Variants in MBOAT2 observed in about 807,000 individuals in gnomAD.
MBOAT2 encodes the protein membrane-bound glycerophospholipid O-acyltransferase 2.
MBOAT2 carries 28 observed loss-of-function variants against 63.4 expected under a neutral mutation model. That is an observed-to-expected ratio of 0.44 (90% CI 0.33 to 0.61). The LOEUF is 0.61. MBOAT2 is among the 20% of genes least tolerant of loss of function. The probability of loss-of-function intolerance (pLI) is 0.03; values close to 1 mark genes in which losing one functional copy is unlikely to be tolerated. For missense variants in MBOAT2, 470 were observed against 605.8 expected (o/e 0.78, Z 2.35); for synonymous variants, 211 against 215.6 (o/e 0.98, Z 0.19).
At chr2:8,872,252 T>C (rs1662379986) in intron 8 of MBOAT2, among the ~76,000 whole-genome samples, 1 of 152,212 alleles carries the variant, frequency 6.6e-6, no homozygotes, top group African/African-American at 2.4e-5. Flanking sequence ...ATTCCATCTT[T>C]TTGTTTTTGT....
rs995323515 is a variant in MBOAT2 at position 8,894,961 on chromosome 2, G to A, written c.396-6888C>T. Among the ~76,000 whole-genome samples the A allele has an allele frequency of 4.0e-5, 6 of 151,116 alleles. No individual in the cohort carries two copies. In the East Asian group the frequency reaches 5.8e-4, roughly 15 times the overall value. On this transcript the variant is annotated intron_variant, in intron 4 of 12. Transcript: ENST00000305997. ...TCGTGGTGTTACAGTTCATAAAGGC[G>A]GCACGTCCGGAGTTGTTCATTCCTC...
At chr2:8,987,204 A>G (rs944300654) in intron 1 of MBOAT2, among the ~76,000 whole-genome samples, 5 of 152,232 alleles carry the variant, frequency 3.3e-5, no homozygotes, top group Admixed American at 2.0e-4. Flanking sequence ...CCACAAATTT[A>G]AAACTATTCT....
intron 4 of MBOAT2, among the ~76,000 whole-genome samples, chr2:8,904,246 T>C (rs1665170069): frequency 6.6e-6 from 1 of 152,172 alleles, no homozygotes; most frequent in Non-Finnish European, 1.5e-5. Flanking sequence ...AGTGCTAAGA[T>C]TGCAGGCATG....
Position 8,860,746 on chromosome 2 carries a change from G to A in MBOAT2, c.1204C>T (p.His402Tyr). ...AARAMRNNFR[H>Y]YFIEPSQLKL... ...AGTTGGGAAGGTTCAATGAAATAATGTCTAAAGTTATTTCTCATCTGAAAT... is the reference window on the plus strand; with the variant it reads ...AGTTGGGAAGGTTCAATGAAATAATATCTAAAGTTATTTCTCATCTGAAAT... The change falls in exon 12 of 13, where the codon CAT (histidine) becomes TAT (tyrosine). Residue 402 changes from histidine to tyrosine, a missense_variant. By Grantham distance (83) the His-to-Tyr change is moderately conservative (BLOSUM62 2). Transcript: ENST00000305997. 6.3e-7 allele frequency: 1 copy of A among 1,578,640 alleles called. No individual in the cohort carries two copies. Among genetic ancestry groups the A allele is most frequent in the Non-Finnish European group, 8.7e-7 (1 of 1,154,898 alleles).
chr2:8,962,067 T>C (rs1413485175), intron 1 of MBOAT2, among the ~76,000 whole-genome samples: 1 of 152,164 alleles, frequency 6.6e-6, no homozygotes, highest in Non-Finnish European at 1.5e-5. Flanking sequence ...AGCTCATCAC[T>C]TGCTCATCTA....
At chr2:8,981,055 T>C (rs915740448) in intron 1 of MBOAT2, among the ~76,000 whole-genome samples, 5 of 152,144 alleles carry the variant, frequency 3.3e-5, no homozygotes, top group African/African-American at 1.2e-4. Context: ...TAGATAAACC[T>C]TGAAAATATT....
Position 8,853,146 on chromosome 2 carries a change from T to A in MBOAT2, c.*5533A>T, listed in dbSNP as rs554769281. On this transcript the variant is annotated 3_prime_UTR_variant, in exon 13 of 13. Transcript: ENST00000305997. ...GGAATGAAATCACACATTTTCACTC[T>A]GTATATGGAAGAATTTCTCACTTCA... is the stretch of plus-strand genomic sequence containing the variant. 6.6e-6 allele frequency: 1 copy of A among 152,216 alleles called. No homozygotes were observed. Among genetic ancestry groups the A allele is most frequent in the Non-Finnish European group, 1.5e-5 (1 of 68,032 alleles). 9.4% of individuals were successfully genotyped at this position (152,216 alleles called of 1,614,324 possible).
intron 1 of MBOAT2, among the ~76,000 whole-genome samples, chr2:8,977,692 T>C (rs1670917354): frequency 6.6e-6 from 1 of 152,150 alleles, no homozygotes; most frequent in African/African-American, 2.4e-5. Context: ...ACTTCAGACA[T>C]TTATTCGGCT....
chr2:8,927,596 C>T (rs1667020295), intron 3 of MBOAT2, among the ~76,000 whole-genome samples: 1 of 152,066 alleles, frequency 6.6e-6, no homozygotes, highest in African/African-American at 2.4e-5. Context: ...GGGAAAGTAC[C>T]CAGTGGTGCA....
chr2:8,928,379 G>C (rs1183744719), intron 3 of MBOAT2, among the ~76,000 whole-genome samples: 1 of 152,164 alleles, frequency 6.6e-6, no homozygotes, highest in African/African-American at 2.4e-5. Context: ...GGGCTAAGGT[G>C]ACCCCTGGCA....
At chr2:8,996,228 C>G (rs1672293100) in intron 1 of MBOAT2, among the ~76,000 whole-genome samples, 1 of 152,182 alleles carries the variant, frequency 6.6e-6, no homozygotes, top group Admixed American at 6.5e-5. Flanking sequence ...TTCTGAGTAT[C>G]AGAGACGGAA....
At chr2:9,000,469 C>G (rs1484016249) in intron 1 of MBOAT2, among the ~76,000 whole-genome samples, 1 of 152,218 alleles carries the variant, frequency 6.6e-6, no homozygotes, top group Non-Finnish European at 1.5e-5. Context: ...CTTCAAAGAA[C>G]AACTTATTAT....
chr2:8,909,087 A>C (rs1471485426), intron 3 of MBOAT2, among the ~76,000 whole-genome samples: 1 of 152,212 alleles, frequency 6.6e-6, no homozygotes, highest in African/African-American at 2.4e-5. Flanking sequence ...CATTCAACAA[A>C]TTCTTAATAG....
chr2:9,000,348 T>C (rs1249142099), intron 1 of MBOAT2, among the ~76,000 whole-genome samples: 3 of 152,202 alleles, frequency 2.0e-5, no homozygotes, highest in Non-Finnish European at 4.4e-5. Flanking sequence ...AAAATTTTTA[T>C]TTTGCTCAAC....
rs1381901344 is a variant in MBOAT2 at position 8,939,886 on chromosome 2, TAACAGC to T, written c.299+3295_299+3300del. Among the ~76,000 whole-genome samples, 3 of 152,220 alleles carry T rather than the reference TAACAGC, an allele frequency of 2.0e-5. No homozygotes were observed. The East Asian group carries it at 5.8e-4, about 29-fold the overall frequency. On this transcript the variant is annotated intron_variant, in intron 3 of 12. Coordinates refer to ENST00000305997, the MANE Select transcript of MBOAT2 (RefSeq NM_138799.4). The stretch of plus-strand genomic sequence containing the variant: ...TGTCTGCTGATATCTGTAATTCCTT[TAACAGC>T]AATAGTTTTTCGTTTCATAAAAAGT...
chr2:8,919,918 G>C (rs1046527205), intron 3 of MBOAT2, among the ~76,000 whole-genome samples: 1 of 151,812 alleles, frequency 6.6e-6, no homozygotes, highest in Non-Finnish European at 1.5e-5. Flanking sequence ...CCACACTGGG[G>C]TACTTTTCTA....
chr2:8,976,461 G>A (rs532925125), intron 1 of MBOAT2, among the ~76,000 whole-genome samples: 2 of 152,184 alleles, frequency 1.3e-5, no homozygotes, highest in South Asian at 4.1e-4. Flanking sequence ...GCGACCTACT[G>A]AAATAAATAC....
At chr2:8,963,776 G>A (rs191423618) in intron 1 of MBOAT2, among the ~76,000 whole-genome samples, 2 of 152,224 alleles carry the variant, frequency 1.3e-5, no homozygotes, top group Admixed American at 1.3e-4. Context: ...CATTTATTCT[G>A]TAATTATGAG....
intron 3 of MBOAT2, among the ~76,000 whole-genome samples, chr2:8,942,865 T>C (rs888068937): frequency 3.9e-4 from 59 of 152,256 alleles, no homozygotes; most frequent in African/African-American, 1.3e-3. Flanking sequence ...TGTGAAAATA[T>C]CTGGAAACAT....
Sources: allele counts gnomAD v4.1 joint callset (sites outside exome capture counted in the v4.1 genomes callset), GRCh38; gene constraint gnomAD v4.1.1; transcripts MANE v1.5; gene names NCBI Gene and HGNC (gene_info 2026-07-23, HGNC 2026-07-21).